Variants in TMTC1 observed in about 807,000 individuals in gnomAD.
The protein encoded by TMTC1 is transmembrane O-mannosyltransferase targeting cadherins 1.
TMTC1 carries 73 observed loss-of-function variants against 104.8 expected under a neutral mutation model. The ratio of observed to expected loss-of-function variants is 0.70; its 90% CI spans 0.58 to 0.85. The LOEUF (loss-of-function observed/expected upper bound fraction) is 0.85, where lower values mean the gene tolerates loss of function less well. TMTC1 is among the 40% of genes least tolerant of loss of function. TMTC1 has a pLI of 0.00. For missense variants in TMTC1, 1,035 were observed against 1,096.1 expected, an observed-to-expected ratio of 0.94 and a Z score of 0.79; for synonymous variants, 434 against 428.7, an observed-to-expected ratio of 1.01 and a Z score of -0.15.
chr12:29,616,943 C>T (rs745902681), intron 6 of TMTC1, among the ~76,000 whole-genome samples: 8 of 152,036 alleles, frequency 5.3e-5, no homozygotes, highest in Non-Finnish European at 1.0e-4. Context: ...TCAAGGCACC[C>T]TGGGTCGTCT....
chr12:29,707,718 C>G (rs2136824455), intron 5 of TMTC1, among the ~76,000 whole-genome samples: 1 of 152,334 alleles, frequency 6.6e-6, no homozygotes, highest in Non-Finnish European at 1.5e-5. Context: ...ACCATGTTCT[C>G]TTTCTCTTAT....
chr12:29,768,217 T>A (rs1943518252), intron 1 of TMTC1, 142 bp from the exon 2 acceptor site: 1 of 707,988 alleles, frequency 1.4e-6, no homozygotes, highest in African/African-American at 1.8e-5. Flanking sequence ...TTGGGTTATT[T>A]TTTAGCCTTG....
chr12:29,775,850 C>A (rs1943695142), intron 1 of TMTC1, among the ~76,000 whole-genome samples: 1 of 152,106 alleles, frequency 6.6e-6, no homozygotes, highest in Non-Finnish European at 1.5e-5. Flanking sequence ...CACCCTATAA[C>A]CATCTAGGAG....
intron 5 of TMTC1, among the ~76,000 whole-genome samples, chr12:29,650,328 G>A (rs760248353): frequency 1.3e-5 from 2 of 151,890 alleles, no homozygotes; most frequent in Non-Finnish European, 2.9e-5. Flanking sequence ...CAAGTGATCT[G>A]CCCGCCTAAG....
intron 15 of TMTC1, among the ~76,000 whole-genome samples, chr12:29,515,612 C>T (rs529071851): frequency 4.6e-5 from 7 of 152,158 alleles, no homozygotes; most frequent in South Asian, 2.1e-4. Context: ...CCAGACTCAT[C>T]GGGTCCCCTG....
At chr12:29,537,396 T>G (rs1282741485) in intron 10 of TMTC1, among the ~76,000 whole-genome samples, 1 of 152,206 alleles carries the variant, frequency 6.6e-6, no homozygotes, top group East Asian at 1.9e-4. Context: ...ATTATTATAC[T>G]CATTTTTCTA....
chr12:29,666,469 G>A (rs1404631535), intron 5 of TMTC1, among the ~76,000 whole-genome samples: 2 of 151,414 alleles, frequency 1.3e-5, no homozygotes, highest in Non-Finnish European at 2.9e-5. Context: ...TCCTGACCTC[G>A]TGATCCACCC....
At chr12:29,780,300 A>G (rs747995965) in intron 1 of TMTC1, among the ~76,000 whole-genome samples, 1 of 152,248 alleles carries the variant, frequency 6.6e-6, no homozygotes, top group Non-Finnish European at 1.5e-5. Flanking sequence ...ATACAATGGA[A>G]TACAACTCAG....
chr12:29,637,085 A>AAAAC (rs374276185), intron 5 of TMTC1, among the ~76,000 whole-genome samples: 3,876 of 47,652 alleles, frequency 0.081, 120 homozygotes, highest in African/African-American at 0.13. Context: ...CAAAATGAGA[A>AAAAC]ACACACACAC....
At chr12:29,512,010 C>T (rs201459317) in intron 17 of TMTC1, 33 bp downstream of exon 17, 6 of 1,592,490 alleles carry the variant, frequency 3.8e-6, no homozygotes, top group Non-Finnish European at 5.2e-6. Flanking sequence ...AGGGGGAAAG[C>T]CCGGTCCACA....
intron 5 of TMTC1, among the ~76,000 whole-genome samples, chr12:29,744,504 A>T (rs1164507472): frequency 1.3e-5 from 2 of 152,242 alleles, no homozygotes; most frequent in Non-Finnish European, 2.9e-5. Context: ...CTTTTGAATG[A>T]AGCCAATAAG....
intron 5 of TMTC1, among the ~76,000 whole-genome samples, chr12:29,644,059 A>T (rs1161936253): frequency 3.8e-5 from 1 of 26,344 alleles, no homozygotes; most frequent in African/African-American, 1.1e-4. Flanking sequence ...TATAAATATA[A>T]ATATATAATT....
intron 5 of TMTC1, among the ~76,000 whole-genome samples, chr12:29,644,098 TATATAA>T (rs1939141172): frequency 1.3e-5 from 1 of 79,656 alleles, no homozygotes; most frequent in Non-Finnish European, 2.2e-5. Context: ...TAAATATAAA[TATATAA>T]ATATATATGT....
intron 5 of TMTC1, chr12:29,640,823 G>A (rs1938808683): frequency 6.6e-6 from 1 of 152,264 alleles, no homozygotes; most frequent in Admixed American, 6.5e-5. Context: ...CACAGGCTAG[G>A]GAAGAACCAA....
At chr12:29,687,740 T>C (rs1941139997) in intron 5 of TMTC1, among the ~76,000 whole-genome samples, 1 of 152,218 alleles carries the variant, frequency 6.6e-6, no homozygotes, top group Non-Finnish European at 1.5e-5. Context: ...GCAGTAGGGT[T>C]GGTGCCTGGT....
chr12:29,643,708 T>TTATTATA (rs1565733668), intron 5 of TMTC1, among the ~76,000 whole-genome samples: 713 of 1,030 alleles, frequency 0.69, 235 homozygotes, highest in African/African-American at 0.71. Flanking sequence ...TATTATATAT[T>TTATTATA]ATATATATAA....
chr12:29,531,840 A>C (rs924293214), intron 11 of TMTC1, among the ~76,000 whole-genome samples: 8 of 152,040 alleles, frequency 5.3e-5, no homozygotes, highest in Non-Finnish European at 1.0e-4. Flanking sequence ...GGTTTCTTTT[A>C]TCTCTTCTTC....
At chr12:29,782,507 AAC>A (rs1248114329) in intron 1 of TMTC1, among the ~76,000 whole-genome samples, 1 of 152,200 alleles carries the variant, frequency 6.6e-6, no homozygotes, top group African/African-American at 2.4e-5. Context: ...ATATTATTTC[AAC>A]AGTTTTGACC....
intron 5 of TMTC1, among the ~76,000 whole-genome samples, chr12:29,698,717 A>G (rs1242784259): frequency 6.6e-6 from 1 of 152,236 alleles, no homozygotes; most frequent in East Asian, 1.9e-4. Context: ...TCATGACTAT[A>G]TAATCAAATC....
Sources: gnomAD v4.1 joint callset for allele counts (sites outside exome capture counted in the v4.1 genomes callset) on GRCh38, gnomAD v4.1.1 for gene constraint, MANE v1.5 for transcripts, NCBI Gene and HGNC (gene_info 2026-07-23, HGNC 2026-07-21) for gene names.